The following HIVEP3 variants were observed in gnomAD, a reference collection of about 807,000 sequenced individuals.
The protein encoded by HIVEP3 is HIVEP zinc finger 3, also known as transcription factor HIVEP3.
In HIVEP3, 49 loss-of-function variants were observed where a neutral mutation model predicts 152.8. The observed-to-expected ratio is 0.32, with a 90% confidence interval of 0.26 to 0.41. HIVEP3 has a LOEUF of 0.41. Ranked by LOEUF, HIVEP3 falls within the 10% of genes least tolerant of loss-of-function variation. The pLI is 1.00. For missense variants in HIVEP3, 2,790 were observed against 3,103.3 expected, an observed-to-expected ratio of 0.90 and a Z score of 2.40; for synonymous variants, 1,269 against 1,289.0, an observed-to-expected ratio of 0.98 and a Z score of 0.33.
chr1:41,642,470 C>T (rs536908077), intron 2 of HIVEP3, among the ~76,000 whole-genome samples: 1 of 152,348 alleles, frequency 6.6e-6, no homozygotes, highest in South Asian at 2.1e-4. Flanking sequence ...GCCTCCTCCT[C>T]CACAAAGCCC....
chr1:41,765,665 T>G lies in HIVEP3; in HGVS notation c.-800-64670A>C, dbSNP rs541387900. ...AAATTAGCCTGTAAGCTGTAAGCCT[T>G]AGACCTTCTAAGCAAGGTCTACCCT... On this transcript the variant is annotated intron_variant, in intron 1 of 8. Coordinates refer to ENST00000372583, the MANE Select transcript of HIVEP3 (RefSeq NM_024503.5). Among the ~76,000 whole-genome samples, 150 of 152,336 alleles carry G rather than the reference T, an allele frequency of 9.8e-4. 2 individuals carry two copies. The South Asian group carries it at 0.03, about 31-fold the overall frequency.
At chr1:41,752,138 A>G (rs912091319) in intron 1 of HIVEP3, among the ~76,000 whole-genome samples, 4 of 152,092 alleles carry the variant, frequency 2.6e-5, no homozygotes, top group Non-Finnish European at 5.9e-5. Flanking sequence ...TTTCTGTTTG[A>G]TTTCCGAAAA....
intron 1 of HIVEP3, among the ~76,000 whole-genome samples, chr1:41,788,529 A>G (rs559717861): frequency 2.0e-5 from 3 of 152,358 alleles, no homozygotes; most frequent in African/African-American, 7.2e-5. Context: ...CCGGGATCAA[A>G]GCACCCTGGA....
intron 5 of HIVEP3, among the ~76,000 whole-genome samples, chr1:41,569,325 C>T (rs552532372): frequency 1.3e-5 from 2 of 152,162 alleles, no homozygotes; most frequent in South Asian, 4.1e-4. Context: ...TATACATTTC[C>T]CAACCTCCAC....
intron 3 of HIVEP3, among the ~76,000 whole-genome samples, chr1:41,587,059 G>A (rs187351074): frequency 3.9e-5 from 6 of 152,212 alleles, no homozygotes; most frequent in African/African-American, 1.2e-4. Flanking sequence ...AAGGAGAAAA[G>A]GGAGATTTGG....
chr1:41,814,955 A>C (rs1651177870), intron 1 of HIVEP3, among the ~76,000 whole-genome samples: 1 of 152,256 alleles, frequency 6.6e-6, no homozygotes, highest in Admixed American at 6.5e-5. Context: ...ATACAGCAGT[A>C]ATCAGGACAG....
intron 4 of HIVEP3, among the ~76,000 whole-genome samples, chr1:41,577,052 C>G (rs1332429426): frequency 6.6e-6 from 1 of 152,098 alleles, no homozygotes; most frequent in African/African-American, 2.4e-5. Flanking sequence ...AGGTGCCTCC[C>G]ACAGGCAAAC....
At chr1:41,906,161 C>T (rs566843320) in intron 1 of HIVEP3, among the ~76,000 whole-genome samples, 3 of 152,184 alleles carry the variant, frequency 2.0e-5, no homozygotes, top group South Asian at 4.1e-4. Flanking sequence ...TAGGAAAAAT[C>T]AGCCAAGCGT....
intron 5 of HIVEP3, among the ~76,000 whole-genome samples, chr1:41,530,270 G>A (rs1643206233): frequency 6.6e-6 from 1 of 152,224 alleles, no homozygotes; most frequent in African/African-American, 2.4e-5. Context: ...CCGAGAGGAC[G>A]AACTGAAGGC....
rs768452925 is a variant in HIVEP3, at chr1:41,584,402, G to A, written c.396C>T (p.Ser132=). Residue 132 remains serine, a synonymous_variant, in exon 4 of 9, where the codon TCC becomes TCT. Transcript: ENST00000372583. This position sits in a 1 kb window ranked among gnomAD's most constrained non-coding sequence, Gnocchi z 5.2. Reference sequence around the variant, plus strand: ...GAGGATGGAGCCCAGGGGCCACGAAGGAGCCAGAGGGTCCAGGTCTCATGG... The same window carrying A: ...GAGGATGGAGCCCAGGGGCCACGAAAGAGCCAGAGGGTCCAGGTCTCATGG... ...VDPMRPGPSG[S]FVAPGLHPQS... The A allele has an allele frequency of 4.3e-6, 7 of 1,613,938 alleles. No homozygotes were observed. The African/African-American group carries it at 8.0e-5, about 18-fold the overall frequency.
At chr1:41,709,611 T>C (rs1347555540) in intron 1 of HIVEP3, among the ~76,000 whole-genome samples, 1 of 152,082 alleles carries the variant, frequency 6.6e-6, no homozygotes, top group Non-Finnish European at 1.5e-5. Context: ...CAAGTGGGGT[T>C]TGGGTGGAAT....
chr1:41,850,637 G>A (rs1397813449), intron 1 of HIVEP3, among the ~76,000 whole-genome samples: 1 of 152,150 alleles, frequency 6.6e-6, no homozygotes, highest in Admixed American at 6.5e-5. Context: ...CCTCCATGCC[G>A]AAGCACTCAG....
intron 1 of HIVEP3, among the ~76,000 whole-genome samples, chr1:41,940,832 C>G (rs1274932818): frequency 6.7e-6 from 1 of 149,294 alleles, no homozygotes; most frequent in Non-Finnish European, 1.5e-5. Context: ...AAGAGAGAAG[C>G]TGGTAAAGAC....
At chr1:41,532,241 T>TGGAGGACAGGAGAGAAG (rs1261984016) in intron 5 of HIVEP3, among the ~76,000 whole-genome samples, 1 of 109,772 alleles carries the variant, frequency 9.1e-6, no homozygotes. Context: ...ACAGGGGAGA[T>TGGAGGACAGGAGAGAAG]GGAGGACAGG....
At chr1:41,649,952 G>A (rs2124010180) in intron 2 of HIVEP3, among the ~76,000 whole-genome samples, 1 of 152,274 alleles carries the variant, frequency 6.6e-6, no homozygotes, top group East Asian at 1.9e-4. Flanking sequence ...GGAAGCTCAT[G>A]GGGGAAGGGA....
At chr1:41,518,295 G>A in intron 7 of HIVEP3, 107 bp downstream of exon 7, 3 of 911,318 alleles carry the variant, frequency 3.3e-6, no homozygotes, top group Non-Finnish European at 5.6e-6. Context: ...GAGGGGGAAT[G>A]GGGCAAAGCA....
At chr1:41,880,560 A>C (rs2124426086) in intron 1 of HIVEP3, among the ~76,000 whole-genome samples, 1 of 152,342 alleles carries the variant, frequency 6.6e-6, no homozygotes, top group South Asian at 2.1e-4. Flanking sequence ...ACCTTCAGGA[A>C]GAGTGGATTG....
chr1:41,718,978 A>G (rs1184182558), intron 1 of HIVEP3, among the ~76,000 whole-genome samples: 1 of 152,232 alleles, frequency 6.6e-6, no homozygotes. Flanking sequence ...TTGATGGACT[A>G]GGACCCACCA....
chr1:41,647,408 CTT>C (rs1258754445), intron 2 of HIVEP3, among the ~76,000 whole-genome samples: 2 of 152,338 alleles, frequency 1.3e-5, no homozygotes, highest in Non-Finnish European at 2.9e-5. Flanking sequence ...CCATTGAAAA[CTT>C]TGTCATGTTT....
Sources: gnomAD v4.1 joint callset for allele counts (sites outside exome capture counted in the v4.1 genomes callset) on GRCh38, gnomAD v4.1.1 for gene constraint, Gnocchi (gnomAD v3.1) non-coding constraint, MANE v1.5 for transcripts, NCBI Gene and HGNC (gene_info 2026-07-23, HGNC 2026-07-21) for gene names.